KIF5A: variants seen among roughly 807,000 people sequenced by gnomAD.
KIF5A encodes the protein kinesin heavy chain isoform 5A.
KIF5A carries 35 observed loss-of-function variants against 141.3 expected under a neutral mutation model. That is an observed-to-expected ratio of 0.25 (90% CI 0.19 to 0.33). The LOEUF (loss-of-function observed/expected upper bound fraction) is 0.33, where lower values mean the gene tolerates loss of function less well. KIF5A is among the 10% of genes least tolerant of loss of function. The pLI, the probability that KIF5A is intolerant of heterozygous loss-of-function variation, is 1.00. For synonymous variants in KIF5A, 448 were observed against 500.2 expected (o/e 0.90, Z 1.39); for missense variants, 861 against 1,314.3 (o/e 0.66, Z 5.33).
chr12:57,583,500 A>C (rs542786622), intron 28 of KIF5A, among the ~76,000 whole-genome samples: 3 of 152,270 alleles, frequency 2.0e-5, no homozygotes, highest in African/African-American at 7.2e-5. Flanking sequence ...TGTCCAAAGA[A>C]GTGAGCTTGG....
chr12:57,562,666 A>G (rs914337405), intron 1 of KIF5A, among the ~76,000 whole-genome samples: 1 of 152,228 alleles, frequency 6.6e-6, no homozygotes, highest in Non-Finnish European at 1.5e-5. Context: ...CATGGTAGGG[A>G]ACATGCTATA....
At chr12:57,557,625 G>C (rs1320294937) in intron 1 of KIF5A, among the ~76,000 whole-genome samples, 1 of 151,456 alleles carries the variant, frequency 6.6e-6, no homozygotes, top group Admixed American at 6.6e-5. Flanking sequence ...ATATTGTTTT[G>C]TAACCTTTTT....
intron 15 of KIF5A, among the ~76,000 whole-genome samples, chr12:57,573,627 C>T (rs775767946): frequency 6.6e-6 from 1 of 151,312 alleles, no homozygotes; most frequent in African/African-American, 2.4e-5. Flanking sequence ...GTCAGGAGTT[C>T]GAGACCAGCC....
intron 23 of KIF5A, among the ~76,000 whole-genome samples, chr12:57,579,758 G>C (rs1405095822): frequency 6.6e-6 from 1 of 152,120 alleles, no homozygotes. Flanking sequence ...ACACACACAT[G>C]TGTGTGCTAC....
intron 20 of KIF5A, 66 bp downstream of exon 20, chr12:57,576,928 G>A (rs536592727): frequency 1.6e-4 from 187 of 1,168,746 alleles, no homozygotes; most frequent in Non-Finnish European, 1.9e-4. Context: ...ACTCAGACAC[G>A]CTTGCAGAGG....
chr12:57,582,703 A>C lies in KIF5A; in HGVS notation c.3020+74A>C. ...AATGATTAAATTTCCCTTGTGCCCCACTTGGAGGTTCCTGGAGCCTTTGGG... is the reference window on the plus strand; with the variant it reads ...AATGATTAAATTTCCCTTGTGCCCCCCTTGGAGGTTCCTGGAGCCTTTGGG... On this transcript the variant is annotated intron_variant, in intron 27 of 28. Transcript: ENST00000455537. 9.5e-6 allele frequency: 12 copies of C among 1,258,468 alleles called. No individual in the cohort carries two copies. In the Admixed American group the frequency reaches 2.0e-4, roughly 21 times the overall value. 78.0% of individuals were successfully genotyped at this position (1,258,468 alleles called of 1,614,324 possible).
chr12:57,569,203 C>T lies in KIF5A; in HGVS notation c.820-53C>T, dbSNP rs946920186. 12 of 1,608,066 alleles carry T rather than the reference C, an allele frequency of 7.5e-6. No homozygotes were observed. In the African/African-American group the frequency reaches 1.3e-4, roughly 18 times the overall value. On this transcript the variant is annotated intron_variant, in intron 9 of 28. Coordinates refer to ENST00000455537, the MANE Select transcript of KIF5A (RefSeq NM_004984.4). ...GTGGCACCACTATCCTTTCTGATTC[C>T]CTGTTGAATTTTATTTGTTTATTTC...
chr12:57,553,411 G>A (rs1008343288), intron 1 of KIF5A, among the ~76,000 whole-genome samples: 1 of 152,166 alleles, frequency 6.6e-6, no homozygotes, highest in African/African-American at 2.4e-5. Context: ...GGTTATTGGA[G>A]CAGAATCAGT....
intron 5 of KIF5A, 41 bp downstream of exon 5, chr12:57,564,549 G>C: frequency 6.8e-7 from 1 of 1,474,042 alleles, no homozygotes; most frequent in Middle Eastern, 1.7e-4. Context: ...TGTGAGGAGG[G>C]TGGAGAAAAG....
rs770805531 is a variant in KIF5A, at chr12:57,576,809, C to T, written c.2247C>T (p.Tyr749=). 33 of 1,613,766 alleles carry T rather than the reference C, an allele frequency of 2.0e-5. 1 individual carries two copies. Among genetic ancestry groups the T allele is most frequent in the Admixed American group, 8.3e-5 (5 of 59,982 alleles). ...QLELEKLQAD[Y]EKLKSEEHEK... The stretch of plus-strand genomic sequence containing the variant: ...AGCTAGAGAAGCTTCAGGCTGACTA[C>T]GAGAAGCTGAAGAGCGAAGAACACG... The change falls in exon 20 of 29, where the codon TAC becomes TAT. Residue 749 remains tyrosine, a synonymous_variant. Transcript: ENST00000455537.
intron 9 of KIF5A, 63 bp downstream of exon 9, chr12:57,569,130 A>C: frequency 6.5e-7 from 1 of 1,548,676 alleles, no homozygotes; most frequent in Non-Finnish European, 8.9e-7. Flanking sequence ...CCACCTGCTA[A>C]TGCCACCATA....
chr12:57,575,896 G>A, intron 17 of KIF5A, 139 bp downstream of exon 17: 2 of 901,020 alleles, frequency 2.2e-6, no homozygotes, highest in Admixed American at 1.7e-5. Context: ...CCAAGGTTTT[G>A]CATGTAGCTC....
chr12:57,556,040 G>A (rs1188006456), intron 1 of KIF5A, among the ~76,000 whole-genome samples: 1 of 151,994 alleles, frequency 6.6e-6, no homozygotes, highest in East Asian at 1.9e-4. Context: ...GAATACAGAA[G>A]TAGGTAGCAG....
At chr12:57,578,208 A>G in intron 22 of KIF5A, 30 bp from the exon 23 acceptor site, 1 of 1,601,914 alleles carries the variant, frequency 6.2e-7, no homozygotes, top group African/African-American at 1.3e-5. Flanking sequence ...GCCTCAGGAC[A>G]GCCACGTCTT....
rs1408387685 is a variant in KIF5A, at chr12:57,564,140, C to A, written c.324C>A (p.Ile108=). 1.9e-6 allele frequency: 3 copies of A among 1,613,958 alleles called. No homozygotes were observed. The highest frequency in any genetic ancestry group is 2.5e-6 in the Non-Finnish European group (3 of 1,179,960). Residue 108 remains isoleucine (I), a synonymous_variant, in exon 4 of 29, where the codon ATC becomes ATA. Transcript: ENST00000455537. ...GKLHDPQLMG[I]IPRIARDIFN... ...TGCACGACCCTCAGCTGATGGGAATCATTCCTCGAATTGCCCGAGACATCT... is the reference window on the plus strand; with the variant it reads ...TGCACGACCCTCAGCTGATGGGAATAATTCCTCGAATTGCCCGAGACATCT...
Position 57,572,761 on chromosome 12 carries a change from G to C in KIF5A, c.1716+35G>C. 6.2e-7 allele frequency: 1 copy of C among 1,613,708 alleles called. No homozygotes were observed. The highest frequency in any genetic ancestry group is 8.5e-7 in the Non-Finnish European group (1 of 1,179,616). On this transcript the variant is annotated intron_variant, in intron 15 of 28. Coordinates refer to ENST00000455537, the MANE Select transcript of KIF5A (RefSeq NM_004984.4). This position sits in a 1 kb window ranked among gnomAD's most constrained non-coding sequence, Gnocchi z 4.2. Reference sequence around the variant, plus strand: ...GAGAGACAGCAGCCTTGTTCAGGCTGGGCACTAGTGGAAGACGCAAGATGA... The same window carrying C: ...GAGAGACAGCAGCCTTGTTCAGGCTCGGCACTAGTGGAAGACGCAAGATGA...
In KIF5A at chr12:57,550,124, C is replaced by T; in HGVS notation, c.-148C>T. The T allele has an allele frequency of 9.0e-7, 1 of 1,112,572 alleles. No homozygotes were observed. The highest frequency in any genetic ancestry group is 1.3e-6 in the Non-Finnish European group (1 of 748,380). 68.9% of individuals were successfully genotyped at this position (1,112,572 alleles called of 1,614,324 possible). ...AGAGACAGCGCGCCCCGGCCCTGCT[C>T]CCCAGGCTTCGCCCGGGCGCCCTCA... On this transcript the variant is annotated 5_prime_UTR_variant, in exon 1 of 29. Transcript: ENST00000455537. This position sits in a 1 kb window ranked among gnomAD's most constrained non-coding sequence, Gnocchi z 4.6.
chr12:57,571,271 C>A, intron 12 of KIF5A, 50 bp from the exon 13 acceptor site: 1 of 1,130,020 alleles, frequency 8.8e-7, no homozygotes, highest in Non-Finnish European at 1.4e-6. Context: ...TACGTCTAAA[C>A]TGGAAGGAGT....
chr12:57,582,070 G>T lies in KIF5A; in HGVS notation c.2992+118G>T, dbSNP rs144378635. On this transcript the variant is annotated intron_variant, in intron 26 of 28. Coordinates refer to ENST00000455537, the MANE Select transcript of KIF5A (RefSeq NM_004984.4). Reference sequence around the variant, plus strand: ...GACTGAACCTTTCTGGTGTGCCAAGGCTTCAAATAAAAAAAAAAATACATA... The same window carrying T: ...GACTGAACCTTTCTGGTGTGCCAAGTCTTCAAATAAAAAAAAAAATACATA... 3.2e-3 allele frequency: 2,669 copies of T among 845,244 alleles called. 95 individuals carry two copies. In the East Asian group the frequency reaches 0.056, roughly 18 times the overall value. The allele number at this position is 845,244 out of a possible 1,614,324, so 52.4% of individuals were successfully genotyped here. A position where few individuals can be genotyped will look rare whatever the true frequency, so the allele number is the denominator to read the frequency against.
Sources: gnomAD v4.1 joint callset for allele counts (sites outside exome capture counted in the v4.1 genomes callset) on GRCh38, gnomAD v4.1.1 for gene constraint, Gnocchi (gnomAD v3.1) non-coding constraint, MANE v1.5 for transcripts, NCBI Gene and HGNC (gene_info 2026-07-23, HGNC 2026-07-21) for gene names.